The following HIPK3 variants were observed in gnomAD, a reference collection of about 807,000 sequenced individuals.
HIPK3 encodes homeodomain-interacting protein kinase 3.
A neutral mutation model predicts 124.2 loss-of-function variants in HIPK3; 47 were observed. That is an observed-to-expected ratio of 0.38 (90% CI 0.30 to 0.48). The LOEUF is 0.48. HIPK3 is among the 20% of genes least tolerant of loss of function. The probability of loss-of-function intolerance (pLI) is 0.98; values close to 1 mark genes in which losing one functional copy is unlikely to be tolerated. For synonymous variants in HIPK3, 482 were observed against 515.2 expected, an observed-to-expected ratio of 0.94 and a Z score of 0.87; for missense variants, 1,286 against 1,454.3, an observed-to-expected ratio of 0.88 and a Z score of 1.88.
In HIPK3 at chr11:33,338,837, A is replaced by G; in HGVS notation, c.1422A>G (p.Val474=). 1.2e-6 allele frequency: 2 copies of G among 1,607,334 alleles called. No individual in the cohort carries two copies. The highest frequency in any genetic ancestry group is 1.7e-6 in the Non-Finnish European group (2 of 1,174,406). The change falls in exon 5 of 17, where the codon GTA becomes GTG. Residue 474 remains valine (V), a synonymous_variant. Coordinates refer to ENST00000303296, the MANE Select transcript of HIPK3 (RefSeq NM_005734.5). ...RKYIFNSLDD[V]AHVNTVMDLE... is the part of the protein sequence containing the mutation. ...ACATTTTCAACAGTCTGGATGATGT[A>G]GCGCATGTGAGTACCATAGCCACAT...
chr11:33,350,873 A>G (rs997326021), intron 14 of HIPK3, among the ~76,000 whole-genome samples: 2 of 152,230 alleles, frequency 1.3e-5, no homozygotes, highest in Non-Finnish European at 2.9e-5. Context: ...TGCTTATAAT[A>G]TGGTTTGAAA....
intron 3 of HIPK3, among the ~76,000 whole-genome samples, chr11:33,329,706 G>A (rs1292553599): frequency 6.6e-6 from 1 of 152,116 alleles, no homozygotes; most frequent in Non-Finnish European, 1.5e-5. Context: ...CTGGGTTTCT[G>A]TAAAATTTTC....
At chr11:33,338,392 C>T (rs564270074) in intron 4 of HIPK3, among the ~76,000 whole-genome samples, 6 of 152,310 alleles carry the variant, frequency 3.9e-5, no homozygotes, top group East Asian at 1.9e-4. Context: ...CGCCACCACA[C>T]GCAGCTGATT....
rs769754304 is a variant in HIPK3, at chr11:33,351,743, C to T, written c.2943C>T (p.Ser981=). 18 of 1,614,048 alleles carry T rather than the reference C, an allele frequency of 1.1e-5. No homozygotes were observed. The highest frequency in any genetic ancestry group is 1.6e-4 in the Middle Eastern group (1 of 6,084). Residue 981 remains serine (S), a synonymous_variant, in exon 15 of 17, where the codon TCC becomes TCT. Transcript: ENST00000303296. ...CTCATGAAAACACAGAATTGGTATCCTCTGCTGACACAGAAACCAAGCCAG... is the reference window on the plus strand; with the variant it reads ...CTCATGAAAACACAGAATTGGTATCTTCTGCTGACACAGAAACCAAGCCAG... ...EDTHENTELV[S]SADTETKPAV...
Position 33,355,676 on chromosome 11 carries a change from T to A in HIPK3, c.*2108T>A, listed in dbSNP as rs916187399. On this transcript the variant is annotated 3_prime_UTR_variant, in exon 17 of 17. Transcript: ENST00000303296. ...TTTTATTTAATAATCATCAATGAAA[T>A]AAATGTGCCTGAAATTGATTTTAAA... 5.7e-4 allele frequency: 87 copies of A among 152,100 alleles called. No homozygotes were observed. Among genetic ancestry groups the A allele is most frequent in the African/African-American group, 2.0e-3 (82 of 41,550 alleles). The allele number at this position is 152,100 out of a possible 1,614,324, so 9.4% of individuals were successfully genotyped here.
At chr11:33,313,658 GA>G (rs1426227167) in intron 2 of HIPK3, among the ~76,000 whole-genome samples, 3 of 151,306 alleles carry the variant, frequency 2.0e-5, no homozygotes, top group Non-Finnish European at 2.9e-5. Flanking sequence ...CAGTTATAAG[GA>G]AAAAAAAGTA....
intron 7 of HIPK3, 112 bp downstream of exon 7, chr11:33,341,239 G>A: frequency 1.4e-6 from 1 of 692,252 alleles, no homozygotes; most frequent in Non-Finnish European, 2.3e-6. Flanking sequence ...AGTGCTGTGA[G>A]GTCTTACTAT....
In HIPK3 at chr11:33,342,797, C is replaced by T. The variant is rs1054050608; in HGVS notation, c.1897+1111C>T. Among the ~76,000 whole-genome samples the T allele has an allele frequency of 5.3e-5, 8 of 152,138 alleles. No individual in the cohort carries two copies. The East Asian group carries it at 7.7e-4, about 15-fold the overall frequency. On this transcript the variant is annotated intron_variant, in intron 8 of 16. Coordinates refer to ENST00000303296, the MANE Select transcript of HIPK3 (RefSeq NM_005734.5). ...CTGACCTCAGGTGATCCACCTGCCT[C>T]GGCCTCCCAAAATGTTGGGATTACA...
At chr11:33,293,327 A>G (rs1041470073) in intron 2 of HIPK3, among the ~76,000 whole-genome samples, 22 of 152,200 alleles carry the variant, frequency 1.4e-4, no homozygotes, top group Admixed American at 5.9e-4. Context: ...TAAGTTTAAA[A>G]TTTTTTTGGC....
intron 2 of HIPK3, among the ~76,000 whole-genome samples, chr11:33,289,573 T>G (rs1270286333): frequency 1.3e-5 from 2 of 152,224 alleles, no homozygotes; most frequent in Non-Finnish European, 2.9e-5. Context: ...GTATTTGAGA[T>G]ATTTTGATAT....
chr11:33,263,976 C>G (rs1446638052), intron 1 of HIPK3, among the ~76,000 whole-genome samples: 1 of 152,106 alleles, frequency 6.6e-6, no homozygotes, highest in Non-Finnish European at 1.5e-5. Flanking sequence ...AGGATATATC[C>G]TTTTAGTTTC....
intron 2 of HIPK3, among the ~76,000 whole-genome samples, chr11:33,326,283 A>G (rs1852808753): frequency 6.6e-6 from 1 of 152,166 alleles, no homozygotes. Flanking sequence ...TTCTGATTTA[A>G]TTGGTGTAGG....
At chr11:33,343,472 G>T (rs1227719440) in intron 8 of HIPK3, among the ~76,000 whole-genome samples, 1 of 151,888 alleles carries the variant, frequency 6.6e-6, no homozygotes, top group African/African-American at 2.4e-5. Context: ...TATGTACAGG[G>T]TTTCACCATG....
intron 14 of HIPK3, among the ~76,000 whole-genome samples, chr11:33,349,559 T>C (rs983195762): frequency 2.6e-5 from 4 of 152,138 alleles, no homozygotes; most frequent in Non-Finnish European, 5.9e-5. Context: ...AGCAATCCTC[T>C]TGCCTTAGCC....
intron 2 of HIPK3, among the ~76,000 whole-genome samples, chr11:33,324,339 C>T (rs1182861204): frequency 1.3e-5 from 2 of 152,202 alleles, no homozygotes; most frequent in Non-Finnish European, 2.9e-5. Flanking sequence ...TGCTTCCCAA[C>T]TTTCCTCATG....
At position 33,257,586 on chromosome 11, in the gene HIPK3, C is replaced by T; in HGVS notation, c.-306C>T. The T allele has an allele frequency of 1.0e-6, 1 of 986,312 alleles. No individual in the cohort carries two copies. Among genetic ancestry groups the T allele is most frequent in the East Asian group, 1.1e-4 (1 of 8,810 alleles). The allele number at this position is 986,312 out of a possible 1,614,324, so 61.1% of individuals were successfully genotyped here. A position where few individuals can be genotyped will look rare whatever the true frequency, so the allele number is the denominator to read the frequency against. On this transcript the variant is annotated 5_prime_UTR_variant, in exon 1 of 17. Coordinates refer to ENST00000303296, the MANE Select transcript of HIPK3 (RefSeq NM_005734.5). ...CGGAGGCCGACCGGCCTCCCACTAC[C>T]CCTCGCCCTAGCCAAGCCGTCCCCA... is the stretch of plus-strand genomic sequence containing the variant.
At chr11:33,278,761 G>A (rs963464871) in intron 1 of HIPK3, among the ~76,000 whole-genome samples, 3 of 151,974 alleles carry the variant, frequency 2.0e-5, no homozygotes, top group Admixed American at 6.6e-5. Context: ...GGAGAATGGC[G>A]TGAACCCGGG....
At chr11:33,292,611 G>A (rs1851727528) in intron 2 of HIPK3, among the ~76,000 whole-genome samples, 1 of 152,106 alleles carries the variant, frequency 6.6e-6, no homozygotes, top group Non-Finnish European at 1.5e-5. Flanking sequence ...GCTCAGCATT[G>A]GGATGAAATT....
At chr11:33,270,846 A>G (rs1408303470) in intron 1 of HIPK3, among the ~76,000 whole-genome samples, 2 of 152,214 alleles carry the variant, frequency 1.3e-5, no homozygotes, top group South Asian at 4.1e-4. Context: ...AAACATTGTT[A>G]TATCCAGTTA....
Sources: allele counts gnomAD v4.1 joint callset (sites outside exome capture counted in the v4.1 genomes callset), GRCh38; gene constraint gnomAD v4.1.1; transcripts MANE v1.5; gene names NCBI Gene and HGNC (gene_info 2026-07-23, HGNC 2026-07-21).